EXOC4: variants seen among roughly 807,000 people sequenced by gnomAD.
The protein encoded by EXOC4 is SEC8-like 1.
Under a neutral mutation model 107.2 loss-of-function variants are expected in EXOC4, and 71 were observed. The observed-to-expected ratio is 0.66, with a 90% CI of 0.55 to 0.81. The LOEUF (loss-of-function observed/expected upper bound fraction) is 0.81, where lower values mean the gene tolerates loss of function less well. Ranked by LOEUF, EXOC4 falls within the 30% of genes least tolerant of loss-of-function variation. The pLI is 0.00. For synonymous variants in EXOC4, 456 were observed against 441.2 expected (o/e 1.03, Z -0.42); for missense variants, 1,108 against 1,189.6 (o/e 0.93, Z 1.01).
chr7:133,895,864 C>A, intron 12 of EXOC4, 129 bp downstream of exon 12: 2 of 995,348 alleles, frequency 2.0e-6, no homozygotes, highest in Non-Finnish European at 2.9e-6. Flanking sequence ...TGAGAACATG[C>A]ATCATGGAAA....
the EXOC4 span, among the ~76,000 whole-genome samples, chr7:134,089,329 A>G: frequency 6.6e-6 from 1 of 152,220 alleles, no homozygotes; most frequent in Admixed American, 6.5e-5. Context: ...TACCAAAAAC[A>G]CATTTCACTT....
At chr7:133,325,510 C>G (rs987110372) in intron 5 of EXOC4, among the ~76,000 whole-genome samples, 11 of 152,176 alleles carry the variant, frequency 7.2e-5, no homozygotes, top group Non-Finnish European at 1.3e-4. Context: ...GCTGAAAATT[C>G]TTTTCTTTAA....
chr7:133,414,079 A>G (rs937046946), intron 7 of EXOC4, among the ~76,000 whole-genome samples: 1 of 152,210 alleles, frequency 6.6e-6, no homozygotes, highest in African/African-American at 2.4e-5. Flanking sequence ...TAACTCTTCT[A>G]AGTGGTCAAA....
At chr7:133,605,478 C>A (rs1375293685) in intron 9 of EXOC4, among the ~76,000 whole-genome samples, 1 of 152,170 alleles carries the variant, frequency 6.6e-6, no homozygotes, top group Non-Finnish European at 1.5e-5. Flanking sequence ...GTTTTGGACA[C>A]TAAGTATAAT....
chr7:134,080,810 G>A, the EXOC4 span, among the ~76,000 whole-genome samples: 6 of 151,978 alleles, frequency 3.9e-5, no homozygotes, highest in Admixed American at 3.9e-4. Context: ...GCCAGGCATG[G>A]TAGTACCCAC....
intron 10 of EXOC4, among the ~76,000 whole-genome samples, chr7:133,816,598 C>A (rs868701646): frequency 6.6e-6 from 1 of 152,104 alleles, no homozygotes; most frequent in Admixed American, 6.5e-5. Context: ...TATATATATA[C>A]ATGTAAAGCA....
intron 7 of EXOC4, among the ~76,000 whole-genome samples, chr7:133,460,741 A>G (rs189657547): frequency 6.6e-6 from 1 of 152,286 alleles, no homozygotes; most frequent in Non-Finnish European, 1.5e-5. Flanking sequence ...TCCTTATTTC[A>G]TAGACAGAAT....
intron 5 of EXOC4, among the ~76,000 whole-genome samples, chr7:133,349,244 C>T (rs1795855287): frequency 6.6e-6 from 1 of 151,988 alleles, no homozygotes; most frequent in African/African-American, 2.4e-5. Context: ...CAACCATCAC[C>T]ACCATCTATT....
At chr7:133,382,252 A>C (rs1796634726) in intron 7 of EXOC4, among the ~76,000 whole-genome samples, 3 of 152,192 alleles carry the variant, frequency 2.0e-5, no homozygotes, top group Admixed American at 2.0e-4. Flanking sequence ...AAGGGAGAAG[A>C]AGATTTCTAA....
intron 14 of EXOC4, among the ~76,000 whole-genome samples, chr7:133,959,006 C>T (rs533940882): frequency 6.6e-6 from 1 of 152,164 alleles, no homozygotes; most frequent in Non-Finnish European, 1.5e-5. Flanking sequence ...ATCTGATAAG[C>T]ACCAGGATGG....
In EXOC4 at chr7:133,615,614, T is replaced by C. The variant is rs563525484; in HGVS notation, c.1418-14431T>C. 9.2e-5 allele frequency among the ~76,000 whole-genome samples: 14 copies of C among 152,260 alleles called. No homozygotes were observed. The South Asian group carries it at 1.5e-3, about 16-fold the overall frequency. ...TCTGTCTGCAGTCTTTTTGTTTTAATTTCTGCGTTCTCTATTGGTGGAGTG... is the reference window on the plus strand; with the variant it reads ...TCTGTCTGCAGTCTTTTTGTTTTAACTTCTGCGTTCTCTATTGGTGGAGTG... On this transcript the variant is annotated intron_variant, in intron 9 of 17. Coordinates refer to ENST00000253861, the MANE Select transcript of EXOC4 (RefSeq NM_021807.4).
chr7:133,589,932 T>C (rs1441135509), intron 9 of EXOC4, among the ~76,000 whole-genome samples: 1 of 152,182 alleles, frequency 6.6e-6, no homozygotes, highest in Non-Finnish European at 1.5e-5. Flanking sequence ...TCCAAGTTAT[T>C]GTCTCACGAC....
intron 10 of EXOC4, among the ~76,000 whole-genome samples, chr7:133,657,442 A>C (rs1469665659): frequency 6.6e-6 from 1 of 152,164 alleles, no homozygotes; most frequent in East Asian, 1.9e-4. Flanking sequence ...TATTTTACTA[A>C]AGAGGGTCAT....
chr7:133,930,722 C>G (rs1268402375), intron 13 of EXOC4: 1 of 152,028 alleles, frequency 6.6e-6, no homozygotes, highest in East Asian at 1.9e-4. Flanking sequence ...CTGTGAGTCT[C>G]CAACTTATTG....
intron 17 of EXOC4, among the ~76,000 whole-genome samples, chr7:134,022,251 T>A (rs1311435592): frequency 6.6e-6 from 1 of 152,238 alleles, no homozygotes; most frequent in Non-Finnish European, 1.5e-5. Flanking sequence ...TCAGAAGTTT[T>A]GCTTTTTTCA....
intron 10 of EXOC4, among the ~76,000 whole-genome samples, chr7:133,630,963 T>C (rs1229125403): frequency 1.3e-5 from 2 of 152,176 alleles, no homozygotes; most frequent in Admixed American, 6.6e-5. Context: ...AACGTTTCAG[T>C]TTATGATAAA....
At chr7:133,937,199 C>T (rs1800324448) in intron 13 of EXOC4, among the ~76,000 whole-genome samples, 3 of 152,096 alleles carry the variant, frequency 2.0e-5, no homozygotes, top group Admixed American at 2.0e-4. Context: ...CTGCCCCCTG[C>T]AAAACATTTT....
At chr7:133,986,399 C>G (rs937975364) in intron 14 of EXOC4, among the ~76,000 whole-genome samples, 5 of 152,082 alleles carry the variant, frequency 3.3e-5, no homozygotes. Flanking sequence ...TGGGAAAGAA[C>G]AAGTAAATAC....
intron 14 of EXOC4, among the ~76,000 whole-genome samples, chr7:133,940,776 T>C (rs936621314): frequency 7.3e-6 from 1 of 137,858 alleles, no homozygotes; most frequent in African/African-American, 2.5e-5. Flanking sequence ...AGCTTTTTAT[T>C]ATTTTTTTTT....
Sources: allele counts gnomAD v4.1 joint callset (sites outside exome capture counted in the v4.1 genomes callset), GRCh38; gene constraint gnomAD v4.1.1; transcripts MANE v1.5; gene names NCBI Gene and HGNC (gene_info 2026-07-23, HGNC 2026-07-21).